Variants in KAZN observed in about 807,000 individuals in gnomAD.
KAZN encodes the protein kazrin, periplakin interacting protein.
Under a neutral mutation model 87.4 loss-of-function variants are expected in KAZN, and 40 were observed. The ratio of observed to expected loss-of-function variants is 0.46; its 90% CI spans 0.36 to 0.60. KAZN has a LOEUF of 0.60. Among genes scored for constraint, KAZN ranks in the 20% least tolerant of loss-of-function variants. The pLI, the probability that KAZN is intolerant of heterozygous loss-of-function variation, is 0.00. For missense variants in KAZN, 898 were observed against 1,073.9 expected, an observed-to-expected ratio of 0.84 and a Z score of 2.29; for synonymous variants, 466 against 458.3, an observed-to-expected ratio of 1.02 and a Z score of -0.22.
chr1:14,895,582 C>T (rs549653045), intron 1 of KAZN, among the ~76,000 whole-genome samples: 5 of 152,318 alleles, frequency 3.3e-5, no homozygotes, highest in South Asian at 2.1e-4. Context: ...TCAGCTGATG[C>T]GTAACCCAGC....
intron 1 of KAZN, among the ~76,000 whole-genome samples, chr1:13,932,885 T>A (rs539027011): frequency 6.6e-6 from 1 of 152,336 alleles, no homozygotes; most frequent in East Asian, 1.9e-4. Context: ...ATAAAAAGTT[T>A]ACTTAAAAAT....
intron 1 of KAZN, among the ~76,000 whole-genome samples, chr1:14,099,752 G>C (rs529016404): frequency 0.093 from 14,080 of 152,124 alleles, 2,063 homozygotes; most frequent in African/African-American, 0.31. Flanking sequence ...TTTAAAAGTG[G>C]CCGCTTTCTG....
rs143301916 is a variant in KAZN, at chr1:14,322,168, G to A, written c.249+141576G>A. On this transcript the variant is annotated intron_variant, in intron 2 of 16. Transcript: ENST00000636203. ...TTAGAAGACATGGTGACATGTGCCT[G>A]TACTCCCAACTACTCAGGAGATTGA... 5.1e-3 allele frequency among the ~76,000 whole-genome samples: 774 copies of A among 152,220 alleles called. 9 individuals carry two copies. The highest frequency in any genetic ancestry group is 0.018 in the African/African-American group (739 of 41,520).
intron 2 of KAZN, among the ~76,000 whole-genome samples, chr1:14,235,232 A>G (rs888633161): frequency 1.3e-5 from 2 of 152,238 alleles, no homozygotes; most frequent in African/African-American, 4.8e-5. Flanking sequence ...ACACAATGAA[A>G]TATTATTCAT....
At chr1:14,736,051 C>A (rs111662933) in intron 1 of KAZN, among the ~76,000 whole-genome samples, 4,042 of 152,232 alleles carry the variant, frequency 0.027, 67 homozygotes, top group South Asian at 0.079. Context: ...CTGCAGTCAG[C>A]CATTGTTAGT....
intron 2 of KAZN, among the ~76,000 whole-genome samples, chr1:14,336,441 A>G (rs1368403031): frequency 5.3e-5 from 8 of 152,196 alleles, no homozygotes; most frequent in East Asian, 1.9e-4. Context: ...CTGTATACAA[A>G]TTTGACAGTT....
At chr1:13,895,598 A>C (rs1206477012) in intron 1 of KAZN, among the ~76,000 whole-genome samples, 2 of 152,142 alleles carry the variant, frequency 1.3e-5, no homozygotes, top group East Asian at 3.9e-4. Context: ...CTCAATTAGG[A>C]CGCGAAAGGG....
intron 2 of KAZN, among the ~76,000 whole-genome samples, chr1:14,195,353 G>C (rs115827150): frequency 6.6e-6 from 1 of 151,884 alleles, no homozygotes; most frequent in African/African-American, 2.4e-5. Flanking sequence ...TTCATTCTGC[G>C]TTGCTGATAG....
At chr1:14,429,583 A>G (rs1222040365) in intron 2 of KAZN, among the ~76,000 whole-genome samples, 3 of 152,206 alleles carry the variant, frequency 2.0e-5, no homozygotes, top group Non-Finnish European at 4.4e-5. Flanking sequence ...CATTCACAAA[A>G]GGGGAGCGTC....
rs1387032339 is a variant in KAZN, at chr1:14,856,466, C to T, written c.227-104218C>T. Among the ~76,000 whole-genome samples the T allele has an allele frequency of 6.6e-6, 1 of 152,196 alleles. No individual in the cohort carries two copies. The highest frequency in any genetic ancestry group is 2.4e-5 in the African/African-American group (1 of 41,458). ...ACAAAGGGCTGGGAATTAATATATA[C>T]ATAAGCGCATCTGCTCTAAACACTT... On this transcript the variant is annotated intron_variant, in intron 1 of 14. Coordinates refer to ENST00000376030, the MANE Select transcript of KAZN (RefSeq NM_201628.3). The surrounding 1 kb of genome is among the most constrained non-coding windows in gnomAD (Gnocchi z 5.2).
At chr1:14,638,860 C>T (rs1680210971) in intron 1 of KAZN, among the ~76,000 whole-genome samples, 1 of 152,178 alleles carries the variant, frequency 6.6e-6, no homozygotes, top group African/African-American at 2.4e-5. Context: ...TGCAGTCCCC[C>T]ATCCCACCCA....
chr1:14,329,953 A>G (rs1005969646), intron 2 of KAZN, among the ~76,000 whole-genome samples: 4 of 152,220 alleles, frequency 2.6e-5, no homozygotes, highest in African/African-American at 9.6e-5. Flanking sequence ...GCAATAAATA[A>G]TTCCTAACAC....
intron 2 of KAZN, among the ~76,000 whole-genome samples, chr1:14,434,138 A>G (rs2183102): frequency 0.45 from 68,791 of 152,008 alleles, 16,143 homozygotes; most frequent in African/African-American, 0.55. Flanking sequence ...TTTTCAATCC[A>G]TTGCATTGCC....
chr1:14,968,756 C>G (rs1664722116), intron 2 of KAZN, among the ~76,000 whole-genome samples: 1 of 152,190 alleles, frequency 6.6e-6, no homozygotes. Flanking sequence ...AGTGAGTCAC[C>G]TGCCTTACAC....
At chr1:14,757,379 A>T (rs1408982121) in intron 1 of KAZN, among the ~76,000 whole-genome samples, 1 of 152,214 alleles carries the variant, frequency 6.6e-6, no homozygotes, top group African/African-American at 2.4e-5. Flanking sequence ...GAAAGATTGG[A>T]ATGTACTGGA....
At chr1:14,522,879 C>T (rs1671659942) in intron 2 of KAZN, among the ~76,000 whole-genome samples, 1 of 152,188 alleles carries the variant, frequency 6.6e-6, no homozygotes, top group South Asian at 2.1e-4. Flanking sequence ...CTACTCCATG[C>T]CAACAGGTAG....
At chr1:14,078,102 A>G (rs1037185063) in intron 1 of KAZN, among the ~76,000 whole-genome samples, 1 of 152,214 alleles carries the variant, frequency 6.6e-6, no homozygotes, top group Non-Finnish European at 1.5e-5. Flanking sequence ...TAAGGGGTTC[A>G]TGTATTCTTG....
chr1:14,924,244 G>GGGAGGC, intron 1 of KAZN: 1 of 981,902 alleles, frequency 1.0e-6, no homozygotes, highest in Non-Finnish European at 1.2e-6. Flanking sequence ...CCGGCCGGGC[G>GGGAGGC]GGAGGCGGGG....
intron 5 of KAZN, among the ~76,000 whole-genome samples, chr1:15,058,515 C>A (rs968561735): frequency 6.6e-6 from 1 of 152,236 alleles, no homozygotes; most frequent in Non-Finnish European, 1.5e-5. Context: ...GTGCCAATGC[C>A]TGCAGACAGG....
Sources: gnomAD v4.1 joint callset for allele counts (sites outside exome capture counted in the v4.1 genomes callset) on GRCh38, gnomAD v4.1.1 for gene constraint, Gnocchi (gnomAD v3.1) non-coding constraint, MANE v1.5 for transcripts, NCBI Gene and HGNC (gene_info 2026-07-23, HGNC 2026-07-21) for gene names.